The following HNRNPA1 variants were observed in gnomAD, a reference collection of about 807,000 sequenced individuals.
The protein encoded by HNRNPA1 is heterogeneous nuclear ribonucleoprotein A1, also known as epididymis secretory sperm binding protein.
A neutral mutation model predicts 44.4 loss-of-function variants in HNRNPA1; 7 were observed. The observed-to-expected ratio is 0.16, with a 90% CI of 0.09 to 0.30. The LOEUF (loss-of-function observed/expected upper bound fraction) is 0.30, where lower values mean the gene tolerates loss of function less well. Ranked by LOEUF, HNRNPA1 falls within the 10% of genes least tolerant of loss-of-function variation. HNRNPA1 has a pLI of 1.00. For synonymous variants in HNRNPA1, 169 were observed against 160.6 expected, an observed-to-expected ratio of 1.05 and a Z score of -0.40; for missense variants, 193 against 465.8, an observed-to-expected ratio of 0.41 and a Z score of 5.39.
At chr12:54,284,399 C>A in intron 10 of HNRNPA1, 82 bp downstream of exon 10, 1 of 1,188,068 alleles carries the variant, frequency 8.4e-7, no homozygotes, top group Non-Finnish European at 1.3e-6. Context: ...CTGAGCAGTG[C>A]AACATAGTTA....
intron 7 of HNRNPA1, 79 bp from the exon 8 acceptor site, chr12:54,283,000 A>T: frequency 3.9e-6 from 6 of 1,538,302 alleles, no homozygotes; most frequent in Non-Finnish European, 5.3e-6. Flanking sequence ...TGCTGTGAGC[A>T]GGCCTTCAGC....
At position 54,283,977 on chromosome 12, in the gene HNRNPA1, C is replaced by G. The variant is rs953856612; in HGVS notation, c.1063+10C>G. On this transcript the variant is annotated intron_variant, in intron 9 of 10. Coordinates refer to ENST00000340913, the MANE Select transcript of HNRNPA1 (RefSeq NM_031157.4). ...AAACCACGAAACCAAGGTATGGTAT[C>G]TATGTAATTTTGGATAATGTCAAAA... 2 of 1,604,166 alleles carry G rather than the reference C, an allele frequency of 1.2e-6. No homozygotes were observed. The highest frequency in any genetic ancestry group is 2.2e-5 in the South Asian group (2 of 91,040).
intron 7 of HNRNPA1, 50 bp from the exon 8 acceptor site, chr12:54,283,029 T>G: frequency 6.3e-7 from 1 of 1,596,162 alleles, no homozygotes; most frequent in Non-Finnish European, 8.5e-7. Flanking sequence ...TTGCACAAGT[T>G]TTCATTGTCA....
chr12:54,285,856 T>G lies in HNRNPA1; in HGVS notation c.*1312T>G, dbSNP rs1216614059. On this transcript the variant is annotated 3_prime_UTR_variant, in exon 11 of 11. Coordinates refer to ENST00000340913, the MANE Select transcript of HNRNPA1 (RefSeq NM_031157.4). ...CCATCCCATGGGTGTGTTGGAAGTT[T>G]GGGGAGGAGGAGGGTGGTGGGAGGT... The G allele has an allele frequency of 3.6e-4, 2 of 5,512 alleles. No homozygotes were observed. Among genetic ancestry groups the G allele is most frequent in the East Asian group, 5.2e-3 (1 of 192 alleles). The allele number at this position is 5,512 out of a possible 1,614,324, so 0.3% of individuals were successfully genotyped here.
intron 9 of HNRNPA1, 32 bp from the exon 10 acceptor site, chr12:54,284,226 T>A: frequency 1.2e-6 from 2 of 1,607,104 alleles, no homozygotes; most frequent in Non-Finnish European, 1.7e-6. Flanking sequence ...GTTGGCACTT[T>A]GAAACTTTAA....
At chr12:54,281,613 T>C in intron 2 of HNRNPA1, 111 bp downstream of exon 2, 1 of 1,022,940 alleles carries the variant, frequency 9.8e-7, no homozygotes, top group Non-Finnish European at 1.5e-6. Context: ...AGTTAGAGCT[T>C]TGTTGGCAAA....
At chr12:54,282,529 T>TA (rs753547766) in intron 5 of HNRNPA1, 43 bp downstream of exon 5, 1 of 1,609,490 alleles carries the variant, frequency 6.2e-7, no homozygotes, top group Non-Finnish European at 8.5e-7. Context: ...AACTTTGAGT[T>TA]ACTCCAGTAT....
At chr12:54,281,666 G>C (rs1341782682) in intron 2 of HNRNPA1, 129 bp from the exon 3 acceptor site, 1 of 1,078,080 alleles carries the variant, frequency 9.3e-7, no homozygotes, top group Non-Finnish European at 1.4e-6. Flanking sequence ...CTTAAATCTA[G>C]GGTAGTGGGA....
intron 9 of HNRNPA1, 63 bp from the exon 10 acceptor site, chr12:54,284,195 C>T: frequency 1.3e-6 from 2 of 1,543,844 alleles, no homozygotes; most frequent in South Asian, 1.2e-5. Context: ...CTTTTATTAT[C>T]CCAAATATGA....
At chr12:54,281,319 TC>T in intron 1 of HNRNPA1, 66 bp from the exon 2 acceptor site, 5 of 889,738 alleles carry the variant, frequency 5.6e-6, no homozygotes, top group East Asian at 2.4e-5. Context: ...GTCTAGTTTT[TC>T]TTTTCCTCGA....
chr12:54,283,648 A>G, intron 8 of HNRNPA1, 164 bp from the exon 9 acceptor site: 3 of 709,616 alleles, frequency 4.2e-6, no homozygotes, highest in Non-Finnish European at 7.3e-6. Context: ...GGATTATTCA[A>G]CTGAATGCCT....
chr12:54,284,467 T>G, intron 10 of HNRNPA1, 82 bp from the exon 11 acceptor site: 1 of 802,756 alleles, frequency 1.2e-6, no homozygotes, highest in Non-Finnish European at 2.1e-6. Context: ...GCAAAATTTG[T>G]GGGAAACAAA....
intron 9 of HNRNPA1, 70 bp downstream of exon 9, chr12:54,284,037 T>A: frequency 6.5e-7 from 1 of 1,536,216 alleles, no homozygotes; most frequent in Non-Finnish European, 8.9e-7. Context: ...AGAAAGCCCT[T>A]TAACTGCTAT....
chr12:54,284,472 A>C (rs1207288690), intron 10 of HNRNPA1, 77 bp from the exon 11 acceptor site: 1 of 771,718 alleles, frequency 1.3e-6, no homozygotes, highest in African/African-American at 1.7e-5. Context: ...ATTTGTGGGA[A>C]ACAAACTTGA....
intron 8 of HNRNPA1, 35 bp from the exon 9 acceptor site, chr12:54,283,777 A>AG: frequency 6.3e-7 from 1 of 1,599,034 alleles, no homozygotes. Flanking sequence ...CATCATCCTC[A>AG]GGTAACAGAT....
At chr12:54,284,111 G>GA in intron 9 of HNRNPA1, 144 bp downstream of exon 9, 1 of 1,282,162 alleles carries the variant, frequency 7.8e-7, no homozygotes, top group Non-Finnish European at 1.1e-6. Context: ...TCACAAATTA[G>GA]AAAAATCATG....
rs974114275 is a variant in HNRNPA1, at chr12:54,281,598, A to G, written c.132+96A>G. The G allele has an allele frequency of 1.1e-5, 11 of 1,026,096 alleles. No homozygotes were observed. The African/African-American group carries it at 1.6e-4, about 15-fold the overall frequency. The allele number at this position is 1,026,096 out of a possible 1,614,324, so 63.6% of individuals were successfully genotyped here. On this transcript the variant is annotated intron_variant, in intron 2 of 10. Transcript: ENST00000340913. ...AATGCTTATGAAAGTAGTTAATAGC[A>G]TTATAGTTAGAGCTTTGTTGGCAAA...
Position 54,282,000 on chromosome 12 carries a change from CTT to C in HNRNPA1, c.279+60_279+61del, listed in dbSNP as rs1944180700. The C allele has an allele frequency of 1.9e-6, 3 of 1,602,220 alleles. No homozygotes were observed. The East Asian group carries it at 6.7e-5, about 36-fold the overall frequency. On this transcript the variant is annotated intron_variant, in intron 3 of 10. Coordinates refer to ENST00000340913, the MANE Select transcript of HNRNPA1 (RefSeq NM_031157.4). ...TTACTTGGATATGTGCTGCTATGGA[CTT>C]AAGATTCGGGAGTTTTCTAAACTTA...
intron 2 of HNRNPA1, 31 bp from the exon 3 acceptor site, chr12:54,281,764 T>C: frequency 6.3e-7 from 1 of 1,596,622 alleles, no homozygotes; most frequent in Non-Finnish European, 8.5e-7. Flanking sequence ...GCGGTCAGAC[T>C]TTGTGTTACA....
Sources: gnomAD v4.1 joint callset for allele counts on GRCh38, gnomAD v4.1.1 for gene constraint, MANE v1.5 for transcripts, NCBI Gene and HGNC (gene_info 2026-07-23, HGNC 2026-07-21) for gene names.